Variants in NBPF20 observed in about 807,000 individuals in gnomAD.
The protein encoded by NBPF20 is NBPF member 20, also known as NBPF family member NBPF20.
In NBPF20, 90 loss-of-function variants were observed where a neutral mutation model predicts 68.1. The ratio of observed to expected loss-of-function variants is 1.32; its 90% CI spans 1.11 to 1.58. The LOEUF is 1.58. Ranked by LOEUF, NBPF20 falls within the 40% of genes most tolerant of loss-of-function variation. NBPF20 has a pLI of 0.00. For synonymous variants in NBPF20, 290 were observed against 228.1 expected, an observed-to-expected ratio of 1.27 and a Z score of -2.45; for missense variants, 816 against 601.2, an observed-to-expected ratio of 1.36 and a Z score of -3.74.
chr1:145,337,968 A>T (rs1571349769), intron 79 of NBPF20, among the ~76,000 whole-genome samples, 159 bp from the exon 85 acceptor site: 1 of 56,180 alleles, frequency 1.8e-5, no homozygotes, highest in Non-Finnish European at 3.5e-5. Context: ...GGGACAGAAC[A>T]GGGCCAAATG....
the NBPF20 span, among the ~76,000 whole-genome samples, chr1:145,412,053 A>G: frequency 7.5e-6 from 1 of 133,164 alleles, no homozygotes; most frequent in Non-Finnish European, 1.6e-5. Flanking sequence ...CCTGAATTAA[A>G]GCTGATGGGA....
At chr1:145,394,934 G>C (rs1389828687) in intron 8 of NBPF20, 44 bp downstream of exon 13, 1 of 1,611,302 alleles carries the variant, frequency 6.2e-7, no homozygotes, top group Non-Finnish European at 8.5e-7. Flanking sequence ...GGTCTACCTG[G>C]GCCATGAACT....
At chr1:145,410,954 G>A in the NBPF20 span, among the ~76,000 whole-genome samples, 3 of 140,742 alleles carry the variant, frequency 2.1e-5, no homozygotes, top group Admixed American at 1.4e-4. Context: ...GAATCAATTA[G>A]ACATACATGT....
At chr1:145,403,693 C>T (rs1222107709) in intron 2 of NBPF20, among the ~76,000 whole-genome samples, 2 of 151,970 alleles carry the variant, frequency 1.3e-5, no homozygotes, top group Non-Finnish European at 2.9e-5. Context: ...CTTGTACAGT[C>T]GGGAAGGCCC....
At chr1:145,306,248 G>C (rs1661404324) in intron 119 of NBPF20, among the ~76,000 whole-genome samples, 183 bp from the exon 125 acceptor site, 1 of 145,524 alleles carries the variant, frequency 6.9e-6, no homozygotes, top group Non-Finnish European at 1.5e-5. Flanking sequence ...AAGAATGAAA[G>C]AGAAAGACAG....
At position 145,392,784 on chromosome 1, in the gene NBPF20, A is replaced by T. The variant is rs1298413849; in HGVS notation, c.1216+290T>A. On this transcript the variant is annotated intron_variant, in intron 10 of 137. Transcript: ENST00000369373. ...AATCTACAAGATCTACAAAATTGAG[A>T]CAAAATCAGAGTTGTGTGAATTTGT... 7.9e-3 allele frequency among the ~76,000 whole-genome samples: 716 copies of T among 91,150 alleles called. 261 individuals are homozygous for T. Among genetic ancestry groups the T allele is most frequent in the African/African-American group, 0.049 (691 of 14,080 alleles). 59.8% of individuals were successfully genotyped at this position (91,150 alleles called of 152,430 possible).
At chr1:145,395,686 C>G (rs1248875641) in intron 7 of NBPF20, among the ~76,000 whole-genome samples, 1 of 148,822 alleles carries the variant, frequency 6.7e-6, no homozygotes, top group Non-Finnish European at 1.5e-5. Context: ...AGAGAATAGG[C>G]AACACCAAGA....
chr1:145,415,364 TATCTC>T, the NBPF20 span, among the ~76,000 whole-genome samples: 1 of 151,726 alleles, frequency 6.6e-6, no homozygotes, highest in Non-Finnish European at 1.5e-5. Context: ...GCCTTCCTCT[TATCTC>T]AACTGCAAAG....
At chr1:145,298,400 C>A (rs1444103852) in intron 129 of NBPF20, among the ~76,000 whole-genome samples, 2 of 142,878 alleles carry the variant, frequency 1.4e-5, no homozygotes, top group East Asian at 2.0e-4. Flanking sequence ...AGAGAGAGAA[C>A]GAGCTCAGTG....
intron 61 of NBPF20, among the ~76,000 whole-genome samples, chr1:145,352,456 CT>C (rs1661666913): frequency 6.3e-5 from 1 of 15,864 alleles, no homozygotes; most frequent in African/African-American, 2.7e-4. Flanking sequence ...CATGAAAAGA[CT>C]GTGCTCAATA....
At chr1:145,291,513 T>C (rs1553657541) in exon 138 of NBPF20, 4 of 1,611,898 alleles carry the variant, frequency 2.5e-6, no homozygotes, top group South Asian at 2.2e-5. Context: ...TCTCTCGGCT[T>C]AGTAAGGGCT....
chr1:145,397,910 A>G (rs1275891138), intron 7 of NBPF20, among the ~76,000 whole-genome samples: 54 of 152,286 alleles, frequency 3.5e-4, no homozygotes, highest in African/African-American at 1.1e-3. Context: ...CAAATGGAAA[A>G]CAAAAAAAGG....
the NBPF20 span, among the ~76,000 whole-genome samples, chr1:145,410,706 G>A: frequency 1.6e-5 from 2 of 127,464 alleles, no homozygotes; most frequent in African/African-American, 7.7e-5. Flanking sequence ...ATATATGTGT[G>A]TGTGTGTGTG....
upstream of NBPF20, among the ~76,000 whole-genome samples, chr1:145,407,525 G>T (rs1378119819): frequency 2.8e-5 from 4 of 144,780 alleles, no homozygotes; most frequent in South Asian, 2.1e-4. Flanking sequence ...ATATACATAC[G>T]TGTATATATA....
chr1:145,292,023 G>A lies in NBPF20; in HGVS notation c.16698-254C>T, dbSNP rs78853653. Among the ~76,000 whole-genome samples, 45 of 149,810 alleles carry A rather than the reference G, an allele frequency of 3.0e-4. No homozygotes were observed. The East Asian group carries it at 8.7e-3, about 29-fold the overall frequency. ...AAGTGACCTAGTGAATTGCCCAGGT[G>A]ACATACTGGTAAGGGAGTCAAAGGA... On this transcript the variant is annotated intron_variant, in intron 137 of 137. Coordinates refer to ENST00000369373, the Ensembl canonical transcript of NBPF20.
chr1:145,292,737 G>T (rs1447272513), intron 136 of NBPF20, among the ~76,000 whole-genome samples: 1 of 134,644 alleles, frequency 7.4e-6, no homozygotes, highest in South Asian at 2.3e-4. Context: ...TCCCAAGTTT[G>T]TGCAAACAGT....
intron 3 of NBPF20, among the ~76,000 whole-genome samples, 164 bp from the exon 9 acceptor site, chr1:145,402,545 G>A (rs1662572359): frequency 6.6e-6 from 1 of 151,864 alleles, no homozygotes; most frequent in Non-Finnish European, 1.5e-5. Flanking sequence ...ATAGAAAATG[G>A]TTTACAGGCT....
intron 118 of NBPF20, among the ~76,000 whole-genome samples, chr1:145,307,238 G>A (rs1192768341): frequency 1.7e-4 from 4 of 22,966 alleles, no homozygotes; most frequent in African/African-American, 2.7e-4. Flanking sequence ...AATGTGCTGA[G>A]AGCGGGCTCA....
chr1:145,393,541 G>A (rs1407558925), intron 9 of NBPF20, among the ~76,000 whole-genome samples: 1 of 151,718 alleles, frequency 6.6e-6, no homozygotes, highest in South Asian at 2.1e-4. Context: ...GGGAGTCAAA[G>A]GACACTCTGT....
Sources: allele counts gnomAD v4.1 joint callset (sites outside exome capture counted in the v4.1 genomes callset), GRCh38; gene constraint gnomAD v4.1.1; transcripts MANE v1.5; gene names NCBI Gene and HGNC (gene_info 2026-07-23, HGNC 2026-07-21).